PPARGC1A: variants seen among roughly 807,000 people sequenced by gnomAD.
PPARGC1A encodes the protein PPARG coactivator 1 alpha, also known as peroxisome proliferator-activated receptor gamma coactivator 1-alpha.
In PPARGC1A, 25 loss-of-function variants were observed where a neutral mutation model predicts 88.7. The observed-to-expected ratio is 0.28, with a 90% CI of 0.21 to 0.39. The LOEUF is 0.39. Ranked by LOEUF, PPARGC1A falls within the 10% of genes least tolerant of loss-of-function variation. PPARGC1A has a pLI of 1.00. For synonymous variants in PPARGC1A, 363 were observed against 355.6 expected (o/e 1.02, Z -0.24); for missense variants, 880 against 968.7 (o/e 0.91, Z 1.22).
chr4:24,205,512 T>C, the PPARGC1A span, among the ~76,000 whole-genome samples: 1 of 152,214 alleles, frequency 6.6e-6, no homozygotes, highest in African/African-American at 2.4e-5. Context: ...ATGTTTACTA[T>C]AATATACATA....
chr4:23,803,716 T>C (rs986856984), intron 10 of PPARGC1A, among the ~76,000 whole-genome samples: 1 of 152,168 alleles, frequency 6.6e-6, no homozygotes, highest in East Asian at 1.9e-4. Context: ...CAAACAATGA[T>C]AAAATGAATT....
chr4:24,019,504 C>A, the PPARGC1A span, among the ~76,000 whole-genome samples: 1 of 152,146 alleles, frequency 6.6e-6, no homozygotes, highest in Non-Finnish European at 1.5e-5. Context: ...GGTAAAATTT[C>A]AGCTCAAACA....
chr4:23,884,204 T>C lies in PPARGC1A; in HGVS notation c.234+548A>G, dbSNP rs553135117. The C allele has an allele frequency of 3.9e-5, 6 of 152,342 alleles. No homozygotes were observed. The South Asian group carries it at 1.2e-3, about 32-fold the overall frequency. The allele number at this position is 152,342 out of a possible 1,614,324, so 9.4% of individuals were successfully genotyped here. A position where few individuals can be genotyped will look rare whatever the true frequency, so the allele number is the denominator to read the frequency against. Reference sequence around the variant, plus strand: ...TGAAAAGTAAATGAATTTTGACTGATTTATAAGTATACAGTAGATTAGTCA... The same window carrying C: ...TGAAAAGTAAATGAATTTTGACTGACTTATAAGTATACAGTAGATTAGTCA... On this transcript the variant is annotated intron_variant, in intron 2 of 12. Transcript: ENST00000264867.
chr4:24,408,660 T>C, the PPARGC1A span, among the ~76,000 whole-genome samples: 7 of 152,190 alleles, frequency 4.6e-5, no homozygotes, highest in African/African-American at 1.7e-4. Context: ...GGAAAGACCA[T>C]CTGTGGGACC....
At chr4:24,392,283 C>T in the PPARGC1A span, among the ~76,000 whole-genome samples, 2 of 152,156 alleles carry the variant, frequency 1.3e-5, no homozygotes, top group African/African-American at 4.8e-5. Context: ...TCATAGACCA[C>T]CATGTGTCAG....
intron 2 of PPARGC1A, among the ~76,000 whole-genome samples, chr4:23,848,815 G>T (rs1030615433): frequency 2.6e-5 from 4 of 151,964 alleles, no homozygotes; most frequent in Admixed American, 2.6e-4. Flanking sequence ...GTCATATACA[G>T]GCCTGTGTCC....
the PPARGC1A span, among the ~76,000 whole-genome samples, chr4:24,159,573 A>G: frequency 2.0e-5 from 3 of 152,180 alleles, no homozygotes; most frequent in Non-Finnish European, 2.9e-5. Context: ...TTTAATCCAG[A>G]TCTATCTGAC....
At chr4:24,332,790 T>C in the PPARGC1A span, among the ~76,000 whole-genome samples, 2 of 152,220 alleles carry the variant, frequency 1.3e-5, no homozygotes, top group East Asian at 3.8e-4. Flanking sequence ...CGATAGTCTA[T>C]TAACATTAAT....
intron 12 of PPARGC1A, among the ~76,000 whole-genome samples, chr4:23,796,481 T>C (rs1321090586): frequency 1.3e-5 from 2 of 152,210 alleles, no homozygotes; most frequent in African/African-American, 4.8e-5. Flanking sequence ...ATTGGAAGGT[T>C]GAGAGAAATG....
the PPARGC1A span, among the ~76,000 whole-genome samples, chr4:24,069,831 GACAATAA>G: frequency 6.6e-6 from 1 of 152,164 alleles, no homozygotes; most frequent in South Asian, 2.1e-4. Flanking sequence ...ACTCTGTACT[GACAATAA>G]ACTTTAAAAA....
At chr4:23,934,775 G>A in the PPARGC1A span, among the ~76,000 whole-genome samples, 1 of 152,300 alleles carries the variant, frequency 6.6e-6, no homozygotes, top group African/African-American at 2.4e-5. Flanking sequence ...AGGAAACTGA[G>A]GCTCATCTAG....
the PPARGC1A span, among the ~76,000 whole-genome samples, chr4:24,282,186 T>C: frequency 6.6e-6 from 1 of 152,168 alleles, no homozygotes; most frequent in East Asian, 1.9e-4. Flanking sequence ...TTGCCCTAGG[T>C]CACATAGTTG....
At chr4:24,248,079 T>C in the PPARGC1A span, among the ~76,000 whole-genome samples, 1 of 152,128 alleles carries the variant, frequency 6.6e-6, no homozygotes, top group Non-Finnish European at 1.5e-5. Context: ...AAACAAAGCA[T>C]ATTATCTGCC....
intron 7 of PPARGC1A, among the ~76,000 whole-genome samples, chr4:23,818,787 A>T (rs1722435530): frequency 6.7e-6 from 1 of 149,680 alleles, no homozygotes; most frequent in Admixed American, 6.7e-5. Flanking sequence ...GACTCTGATA[A>T]ATGGTGAGTC....
chr4:23,828,737 T>A, intron 4 of PPARGC1A, 133 bp from the exon 5 acceptor site: 1 of 742,986 alleles, frequency 1.3e-6, no homozygotes, highest in Non-Finnish European at 2.2e-6. Flanking sequence ...GAGCTGTGAA[T>A]AACTGTTTGC....
the PPARGC1A span, among the ~76,000 whole-genome samples, chr4:23,938,843 G>C: frequency 6.6e-6 from 1 of 152,202 alleles, no homozygotes; most frequent in Non-Finnish European, 1.5e-5. Flanking sequence ...CTTTCGCTTA[G>C]GAGAAGTAAG....
At chr4:24,069,023 T>C in the PPARGC1A span, among the ~76,000 whole-genome samples, 2 of 152,224 alleles carry the variant, frequency 1.3e-5, no homozygotes, top group African/African-American at 2.4e-5. Flanking sequence ...ATGATAGTCA[T>C]AACCATCTAC....
At chr4:24,265,185 G>T in the PPARGC1A span, among the ~76,000 whole-genome samples, 1 of 152,126 alleles carries the variant, frequency 6.6e-6, no homozygotes, top group Non-Finnish European at 1.5e-5. Context: ...TACCCTATTT[G>T]GTTCTGATGT....
the PPARGC1A span, among the ~76,000 whole-genome samples, chr4:24,208,718 A>G: frequency 6.7e-6 from 1 of 149,152 alleles, no homozygotes; most frequent in Non-Finnish European, 1.5e-5. Context: ...TTTATATTAT[A>G]TATTACAGTA....
Sources: gnomAD v4.1 joint callset for allele counts (sites outside exome capture counted in the v4.1 genomes callset) on GRCh38, gnomAD v4.1.1 for gene constraint, MANE v1.5 for transcripts, NCBI Gene and HGNC (gene_info 2026-07-23, HGNC 2026-07-21) for gene names.